Variants in TNFRSF21 observed in about 807,000 individuals in gnomAD.
TNFRSF21 encodes tumor necrosis factor receptor superfamily member 21.
Under a neutral mutation model 45.6 loss-of-function variants are expected in TNFRSF21, and 19 were observed. The observed-to-expected ratio is 0.42, with a 90% CI of 0.29 to 0.61. The LOEUF (loss-of-function observed/expected upper bound fraction) is 0.61, where lower values mean the gene tolerates loss of function less well. TNFRSF21 is among the 20% of genes least tolerant of loss of function. The pLI is 0.23. For synonymous variants in TNFRSF21, 314 were observed against 335.5 expected, an observed-to-expected ratio of 0.94 and a Z score of 0.70; for missense variants, 737 against 851.5, an observed-to-expected ratio of 0.87 and a Z score of 1.67.
chr6:47,231,759 T>C lies in TNFRSF21; in HGVS notation c.*1006A>G, dbSNP rs947241733. On this transcript the variant is annotated 3_prime_UTR_variant, in exon 6 of 6. Transcript: ENST00000296861. Reference sequence around the variant, plus strand: ...TTGCAGCCATTTTTAATTAAAGTAATTGGTGAAGGAATCCCACCAGGACCA... The same window carrying C: ...TTGCAGCCATTTTTAATTAAAGTAACTGGTGAAGGAATCCCACCAGGACCA... 1.3e-5 allele frequency: 2 copies of C among 152,616 alleles called. No individual in the cohort carries two copies. The highest frequency in any genetic ancestry group is 4.8e-5 in the African/African-American group (2 of 41,452). 9.5% of individuals were successfully genotyped at this position (152,616 alleles called of 1,614,324 possible).
intron 1 of TNFRSF21, among the ~76,000 whole-genome samples, chr6:47,306,684 T>G (rs1330445383): frequency 1.3e-5 from 2 of 152,192 alleles, no homozygotes; most frequent in African/African-American, 4.8e-5. Flanking sequence ...TATAAGCTTA[T>G]AGTAAGCTAT....
intron 1 of TNFRSF21, among the ~76,000 whole-genome samples, chr6:47,299,599 G>A (rs1762838252): frequency 6.6e-6 from 1 of 152,150 alleles, no homozygotes; most frequent in African/African-American, 2.4e-5. Context: ...TCATGCAAAT[G>A]TGGCTAACAT....
intron 3 of TNFRSF21, among the ~76,000 whole-genome samples, chr6:47,258,056 A>G (rs1307278234): frequency 3.3e-5 from 5 of 152,168 alleles, no homozygotes; most frequent in Non-Finnish European, 4.4e-5. Context: ...CTGGTCTGTT[A>G]TTACTGACCA....
intron 1 of TNFRSF21, among the ~76,000 whole-genome samples, chr6:47,295,199 G>A (rs915273050): frequency 5.3e-5 from 8 of 152,016 alleles, no homozygotes; most frequent in Non-Finnish European, 1.0e-4. Context: ...TTCTATTCTC[G>A]GACACAGAGA....
At chr6:47,302,235 G>A (rs1430698701) in intron 1 of TNFRSF21, among the ~76,000 whole-genome samples, 5 of 152,046 alleles carry the variant, frequency 3.3e-5, no homozygotes, top group East Asian at 3.8e-4. Context: ...CTCAAATCAC[G>A]GAGTTAAACC....
In TNFRSF21 at chr6:47,254,323, G is replaced by A. The variant is rs531389514; in HGVS notation, c.1244-802C>T. ...TGGTACGGGAATGTGAGATTTGATCGCATTACTCAGAATAGTGCATAATCT... is the reference window on the plus strand; with the variant it reads ...TGGTACGGGAATGTGAGATTTGATCACATTACTCAGAATAGTGCATAATCT... On this transcript the variant is annotated intron_variant, in intron 3 of 5. Transcript: ENST00000296861. 5.3e-5 allele frequency among the ~76,000 whole-genome samples: 8 copies of A among 152,226 alleles called. No individual in the cohort carries two copies. In the South Asian group the frequency reaches 1.2e-3, roughly 24 times the overall value.
At chr6:47,253,104 G>C (rs1764924765) in intron 4 of TNFRSF21, 152 bp downstream of exon 4, 1 of 667,540 alleles carries the variant, frequency 1.5e-6, no homozygotes, top group Non-Finnish European at 2.2e-6. Flanking sequence ...AGAAGGTAGG[G>C]TGTGTGTGTG....
At chr6:47,266,896 T>A (rs950028309) in intron 3 of TNFRSF21, among the ~76,000 whole-genome samples, 1 of 152,044 alleles carries the variant, frequency 6.6e-6, no homozygotes, top group Admixed American at 6.5e-5. Context: ...ACTCCACACA[T>A]CTCCCAATAA....
At chr6:47,281,471 C>G (rs1048165124) in intron 3 of TNFRSF21, among the ~76,000 whole-genome samples, 5 of 151,926 alleles carry the variant, frequency 3.3e-5, no homozygotes, top group African/African-American at 4.8e-5. Context: ...ACCTCCGCCT[C>G]CCAGGTTCAA....
At chr6:47,305,030 C>T (rs2295258) in intron 1 of TNFRSF21, among the ~76,000 whole-genome samples, 89,259 of 151,882 alleles carry the variant, frequency 0.59, 28,091 homozygotes, top group African/African-American at 0.83. Flanking sequence ...ATTTGAAAGT[C>T]TTTTTTTTCT....
intron 3 of TNFRSF21, among the ~76,000 whole-genome samples, chr6:47,273,212 A>G (rs942378299): frequency 6.6e-6 from 1 of 152,208 alleles, no homozygotes; most frequent in Admixed American, 6.5e-5. Context: ...ACACAACAAA[A>G]AAAGAGAATT....
chr6:47,292,268 C>T (rs1440212159), intron 1 of TNFRSF21, among the ~76,000 whole-genome samples: 1 of 152,122 alleles, frequency 6.6e-6, no homozygotes, highest in Non-Finnish European at 1.5e-5. Flanking sequence ...CGAGTCCTAC[C>T]TGGTCAAGAT....
At chr6:47,280,175 G>C (rs1381271301) in intron 3 of TNFRSF21, among the ~76,000 whole-genome samples, 1 of 152,162 alleles carries the variant, frequency 6.6e-6, no homozygotes, top group Admixed American at 6.5e-5. Context: ...TTCTACTGAG[G>C]GTAGGCAGGG....
intron 4 of TNFRSF21, among the ~76,000 whole-genome samples, chr6:47,245,726 T>C (rs1271312849): frequency 6.6e-6 from 1 of 152,178 alleles, no homozygotes. Flanking sequence ...CAATGAAATA[T>C]AGTAATATAT....
rs763460053 is a variant in TNFRSF21 at position 47,281,384 on chromosome 6, A to ATT, written c.1243+2552_1243+2553dup. The stretch of plus-strand genomic sequence containing the variant: ...TTTTACAATATAAAATCTATATGTG[A>ATT]TTTTTTTTTTTTTTGAGATGAAGTC... On this transcript the variant is annotated intron_variant, in intron 3 of 5. Transcript: ENST00000296861. 6.8e-4 allele frequency among the ~76,000 whole-genome samples: 98 copies of ATT among 144,744 alleles called. 1 individual carries two copies. Among genetic ancestry groups the ATT allele is most frequent in the African/African-American group, 2.1e-3 (83 of 39,954 alleles). The allele number at this position is 144,744 out of a possible 152,430, so 95.0% of individuals were successfully genotyped here.
intron 1 of TNFRSF21, among the ~76,000 whole-genome samples, chr6:47,298,188 A>T (rs957974602): frequency 2.0e-5 from 3 of 151,796 alleles, no homozygotes; most frequent in African/African-American, 7.3e-5. Flanking sequence ...CGGTCTTAAA[A>T]GAGTGAGCAT....
chr6:47,285,983 C>G lies in TNFRSF21; in HGVS notation c.709G>C (p.Glu237Gln). 6.2e-7 allele frequency: 1 copy of G among 1,614,186 alleles called. No individual in the cohort carries two copies. The highest frequency in any genetic ancestry group is 8.5e-7 in the Non-Finnish European group (1 of 1,180,032). Residue 237 changes from glutamate to glutamine, a missense_variant, in exon 2 of 6, where the codon GAA (glutamate) becomes CAA (glutamine). Physicochemically the swap from Glu to Gln is conservative, Grantham distance 29 (BLOSUM62 2). Coordinates refer to ENST00000296861, the MANE Select transcript of TNFRSF21 (RefSeq NM_014452.5). ...GTGGAGGAAGGGACTTCATGGGTTT[C>G]CATGTGCTCAGGGCGTGGAAAGATG... ...TAIFPRPEHM[E>Q]THEVPSSTYV...
intron 3 of TNFRSF21, among the ~76,000 whole-genome samples, chr6:47,266,999 C>T (rs144133251): frequency 6.6e-6 from 1 of 152,126 alleles, no homozygotes; most frequent in Non-Finnish European, 1.5e-5. Context: ...CCCCACCCTA[C>T]AAGAGCAGAC....
At chr6:47,306,120 GAAT>G (rs1467650113) in intron 1 of TNFRSF21, among the ~76,000 whole-genome samples, 1 of 152,226 alleles carries the variant, frequency 6.6e-6, no homozygotes. Flanking sequence ...CGAGCAACAA[GAAT>G]GTTTTGTCCA....
Sources: gnomAD v4.1 joint callset for allele counts (sites outside exome capture counted in the v4.1 genomes callset) on GRCh38, gnomAD v4.1.1 for gene constraint, MANE v1.5 for transcripts, NCBI Gene and HGNC (gene_info 2026-07-23, HGNC 2026-07-21) for gene names.